Variants in FANCD2 observed in about 807,000 individuals in gnomAD.
FANCD2 encodes FA complementation group D2.
In FANCD2, 131 loss-of-function variants were observed where a neutral mutation model predicts 192.3. That is an observed-to-expected ratio of 0.68 (90% CI 0.59 to 0.79). The LOEUF (loss-of-function observed/expected upper bound fraction) is 0.79. Ranked by LOEUF, FANCD2 falls within the 30% of genes least tolerant of loss-of-function variation. FANCD2 has a pLI of 0.00. For missense variants in FANCD2, 1,508 were observed against 1,701.6 expected (o/e 0.89, Z 2.00); for synonymous variants, 524 against 612.5 (o/e 0.86, Z 2.13).
At chr3:10,084,495 G>A (rs145435265) in intron 32 of FANCD2, among the ~76,000 whole-genome samples, 17 of 150,198 alleles carry the variant, frequency 1.1e-4, no homozygotes, top group African/African-American at 4.2e-4. Flanking sequence ...ACGGGGTTTC[G>A]CCATGTTGCC....
intron 18 of FANCD2, among the ~76,000 whole-genome samples, chr3:10,053,643 T>A (rs2087287698): frequency 6.6e-6 from 1 of 151,256 alleles, no homozygotes; most frequent in African/African-American, 2.4e-5. Flanking sequence ...AACAAGCAAA[T>A]GATAGATTTC....
At chr3:10,050,458 A>G (rs1047925809) in intron 17 of FANCD2, among the ~76,000 whole-genome samples, 3 of 151,716 alleles carry the variant, frequency 2.0e-5, no homozygotes, top group Non-Finnish European at 4.4e-5. Flanking sequence ...CCCCGTCTCT[A>G]CTAAAAATAC....
At chr3:10,076,146 C>T (rs574322785) in intron 29 of FANCD2, among the ~76,000 whole-genome samples, 1 of 151,700 alleles carries the variant, frequency 6.6e-6, no homozygotes, top group South Asian at 2.1e-4. Context: ...CATTCTGCTT[C>T]TAGCAGTGTA....
chr3:10,064,812 T>A lies in FANCD2; in HGVS notation c.2105T>A (p.Leu702Gln), dbSNP rs2087670585. ...GGGATTGCCATAAACCTCCTGCCGC[T>A]GCTGTTTTCTCAGGACTTTGCAAAA... ...QDGIAINLLP[L>Q]LFSQDFAKDG... Residue 702 changes from leucine to glutamine, a missense_variant, in exon 23 of 44, where the codon CTG becomes CAG. Transcript: ENST00000675286. 6.2e-7 allele frequency: 1 copy of A among 1,614,008 alleles called. No homozygotes were observed. Among genetic ancestry groups the A allele is most frequent in the Non-Finnish European group, 8.5e-7 (1 of 1,179,840 alleles).
intron 33 of FANCD2, among the ~76,000 whole-genome samples, chr3:10,086,901 A>G (rs1236829629): frequency 6.6e-6 from 1 of 152,126 alleles, no homozygotes; most frequent in East Asian, 1.9e-4. Context: ...TGACCCCTTC[A>G]AGGCCAACAT....
chr3:10,070,153 C>G, intron 26 of FANCD2, among the ~76,000 whole-genome samples: 1 of 151,174 alleles, frequency 6.6e-6, no homozygotes, highest in African/African-American at 2.4e-5. Context: ...GCCCGGCTGC[C>G]CCGTATGAGA....
Position 10,090,387 on chromosome 3 carries a change from T to G in FANCD2, c.3777+2T>G. 6.3e-7 allele frequency: 1 copy of G among 1,593,512 alleles called. No individual in the cohort carries two copies. Among genetic ancestry groups the G allele is most frequent in the Non-Finnish European group, 8.6e-7 (1 of 1,166,782 alleles). ...GGCACAGCAGCAGACTCGCAGCAGG[T>G]GAGTAAGATAATAGTCACTTCAAGA... is the stretch of plus-strand genomic sequence containing the variant. On this transcript the variant is annotated splice_donor_variant, in intron 37 of 43. Transcript: ENST00000675286. LOFTEE classifies it high-confidence loss of function.
At chr3:10,061,335 C>G (rs1467181428) in intron 19 of FANCD2, among the ~76,000 whole-genome samples, 1 of 152,152 alleles carries the variant, frequency 6.6e-6, no homozygotes, top group Non-Finnish European at 1.5e-5. Context: ...CCCTCTAACC[C>G]CACCCCAACC....
chr3:10,067,827 C>T (rs73016531), intron 26 of FANCD2, among the ~76,000 whole-genome samples: 2,651 of 152,240 alleles, frequency 0.017, 36 homozygotes, highest in Non-Finnish European at 0.029. Context: ...GATTATTCAT[C>T]ATGGCCAAAT....
intron 26 of FANCD2, among the ~76,000 whole-genome samples, chr3:10,069,004 C>G (rs1372984578): frequency 6.6e-6 from 1 of 152,176 alleles, no homozygotes; most frequent in East Asian, 1.9e-4. Context: ...GGATTATAGA[C>G]TTAAATCTAA....
chr3:10,086,126 C>T (rs1448710877), intron 33 of FANCD2, among the ~76,000 whole-genome samples: 1 of 152,206 alleles, frequency 6.6e-6, no homozygotes, highest in Non-Finnish European at 1.5e-5. Flanking sequence ...CATGCTAAAT[C>T]TTCATGAATG....
At chr3:10,054,209 C>T (rs1425416345) in intron 18 of FANCD2, among the ~76,000 whole-genome samples, 3 of 150,780 alleles carry the variant, frequency 2.0e-5, no homozygotes, top group Non-Finnish European at 4.4e-5. Context: ...GAGACTCTAT[C>T]TCAAAATAAA....
At chr3:10,041,969 G>A (rs367569596) in intron 10 of FANCD2, among the ~76,000 whole-genome samples, 15 of 149,816 alleles carry the variant, frequency 1.0e-4, no homozygotes, top group East Asian at 1.9e-4. Context: ...TGCAATCTCC[G>A]CTAACTGCAA....
chr3:10,046,193 A>G (rs1407058094), intron 14 of FANCD2, among the ~76,000 whole-genome samples: 1 of 151,798 alleles, frequency 6.6e-6, no homozygotes, highest in Non-Finnish European at 1.5e-5. Flanking sequence ...AGCTGGGACT[A>G]TAGGTGCATG....
intron 36 of FANCD2, among the ~76,000 whole-genome samples, chr3:10,089,637 T>G (rs1694463585): frequency 6.6e-6 from 1 of 152,040 alleles, no homozygotes; most frequent in Admixed American, 6.5e-5. Context: ...ACCCGGCTAA[T>G]TTTTGTATTT....
intron 30 of FANCD2, 123 bp from the exon 31 acceptor site, chr3:10,080,977 C>T: frequency 9.7e-7 from 1 of 1,028,554 alleles, no homozygotes; most frequent in Non-Finnish European, 1.5e-6. Flanking sequence ...CTTAGGTTAA[C>T]AACTCATTTC....
intron 18 of FANCD2, 126 bp from the exon 19 acceptor site, chr3:10,060,167 CA>C (rs111589951): frequency 0.059 from 31,010 of 529,808 alleles, no homozygotes; most frequent in East Asian, 0.081. Flanking sequence ...AAGTCCGTCT[CA>C]AAAAAAAAAA....
intron 14 of FANCD2, among the ~76,000 whole-genome samples, chr3:10,045,101 T>TTTTTTTTTTTTTTTTTTTTTTTTTTTC (rs397948524): frequency 6.7e-6 from 1 of 149,080 alleles, no homozygotes; most frequent in African/African-American, 2.6e-5. Context: ...TTTTTTTTTT[T>TTTTTTTTTTTTTTTTTTTTTTTTTTTC]CCTGGAAGCA....
chr3:10,073,119 A>G, intron 27 of FANCD2, 134 bp from the exon 28 acceptor site: 1 of 853,016 alleles, frequency 1.2e-6, no homozygotes, highest in East Asian at 2.6e-5. Context: ...TTATAAATAT[A>G]CTGTAATTTA....
Sources: gnomAD v4.1 joint callset for allele counts (sites outside exome capture counted in the v4.1 genomes callset) on GRCh38, gnomAD v4.1.1 for gene constraint, MANE v1.5 for transcripts, NCBI Gene and HGNC (gene_info 2026-07-23, HGNC 2026-07-21) for gene names.